The following TCF12 variants were observed in gnomAD, a reference collection of about 807,000 sequenced individuals.
The protein encoded by TCF12 is DNA-binding protein HTF4.
Under a neutral mutation model 86.0 loss-of-function variants are expected in TCF12, and 45 were observed. The observed-to-expected ratio is 0.52, with a 90% CI of 0.41 to 0.67. The LOEUF is 0.67. TCF12 is among the 30% of genes least tolerant of loss of function. TCF12 has a pLI of 0.00. For synonymous variants in TCF12, 330 were observed against 299.6 expected (o/e 1.10, Z -1.05); for missense variants, 881 against 859.9 (o/e 1.02, Z -0.31).
rs553301148 is a variant in TCF12, at chr15:56,958,750, G to T, written c.148+37652G>T. 2.6e-5 allele frequency among the ~76,000 whole-genome samples: 4 copies of T among 151,558 alleles called. No homozygotes were observed. In the East Asian group the frequency reaches 7.8e-4, roughly 30 times the overall value. On this transcript the variant is annotated intron_variant, in intron 3 of 20. Transcript: ENST00000333725. Reference sequence around the variant, plus strand: ...AAGGCTGACAGGCATCGTGGCTCATGCCTGTAATCCCACCACTTTGGGAGG... The same window carrying T: ...AAGGCTGACAGGCATCGTGGCTCATTCCTGTAATCCCACCACTTTGGGAGG...
chr15:57,007,525 T>A (rs1309066874), intron 3 of TCF12, among the ~76,000 whole-genome samples: 1 of 152,222 alleles, frequency 6.6e-6, no homozygotes, highest in South Asian at 2.1e-4. Flanking sequence ...TTGAGATCCC[T>A]CACCCTGCCA....
In TCF12 at chr15:57,091,782, C is replaced by A. The variant is rs2049007518; in HGVS notation, c.223-7C>A. On this transcript the variant is annotated splice_polypyrimidine_tract_variant and splice_region_variant and intron_variant, in intron 4 of 20. Coordinates refer to ENST00000333725, the MANE Select transcript of TCF12 (RefSeq NM_207037.2). ...TCTTTAATACTCTGATCTTTTTCTC[C>A]CCCTAGGGTTTTACAGACAGCCCTC... 2 of 1,609,146 alleles carry A rather than the reference C, an allele frequency of 1.2e-6. No homozygotes were observed. Among genetic ancestry groups the A allele is most frequent in the African/African-American group, 1.3e-5 (1 of 74,844 alleles).
chr15:57,156,831 TA>T (rs1355756536), intron 5 of TCF12, among the ~76,000 whole-genome samples: 1 of 152,206 alleles, frequency 6.6e-6, no homozygotes, highest in Non-Finnish European at 1.5e-5. Context: ...AGATGTGAGG[TA>T]ATAATGGGAT....
chr15:56,944,518 A>G (rs1027755580), intron 3 of TCF12, among the ~76,000 whole-genome samples: 1 of 152,212 alleles, frequency 6.6e-6, no homozygotes, highest in African/African-American at 2.4e-5. Flanking sequence ...TATTTTGTAT[A>G]TACATATTTT....
intron 3 of TCF12, among the ~76,000 whole-genome samples, chr15:56,947,963 A>G (rs916265871): frequency 6.6e-6 from 1 of 152,166 alleles, no homozygotes; most frequent in Non-Finnish European, 1.5e-5. Flanking sequence ...ACAGGAACTT[A>G]TCTTAATTTA....
intron 18 of TCF12, 131 bp from the exon 19 acceptor site, chr15:57,272,899 C>A (rs2061208427): frequency 1.2e-6 from 1 of 809,668 alleles, no homozygotes; most frequent in Non-Finnish European, 1.9e-6. Flanking sequence ...ATGTTAACTG[C>A]ACCTATTACA....
At chr15:57,100,886 G>T (rs193290930) in intron 5 of TCF12, among the ~76,000 whole-genome samples, 1 of 152,108 alleles carries the variant, frequency 6.6e-6, no homozygotes, top group Non-Finnish European at 1.5e-5. Flanking sequence ...GGTTTAAATT[G>T]TACAAGTATT....
At chr15:57,239,047 G>T (rs114751405) in intron 12 of TCF12, among the ~76,000 whole-genome samples, 1 of 152,106 alleles carries the variant, frequency 6.6e-6, no homozygotes, top group African/African-American at 2.4e-5. Flanking sequence ...TGCATAATAG[G>T]GTATGTAGGT....
At chr15:57,197,938 T>C in intron 8 of TCF12, 113 bp downstream of exon 8, 1 of 1,047,040 alleles carries the variant, frequency 9.6e-7, no homozygotes, top group South Asian at 1.4e-5. Context: ...CTTTACATAG[T>C]AATTGTTCAG....
intron 5 of TCF12, chr15:57,134,319 A>G (rs1390193524): frequency 2.0e-5 from 3 of 152,262 alleles, no homozygotes; most frequent in African/African-American, 7.2e-5. Flanking sequence ...CCTCATTAAC[A>G]TTTGCATGAG....
chr15:56,919,798 C>A, intron 1 of TCF12, 94 bp from the exon 2 acceptor site: 2 of 1,120,624 alleles, frequency 1.8e-6, no homozygotes, highest in South Asian at 2.8e-5. Context: ...GCGCCCCCAG[C>A]GCTCTTGCGT....
At chr15:57,254,831 C>G (rs2060272130) in intron 16 of TCF12, among the ~76,000 whole-genome samples, 1 of 122,686 alleles carries the variant, frequency 8.2e-6, no homozygotes, top group South Asian at 2.6e-4. Context: ...GCACTCCAGC[C>G]TAGGCCATAG....
chr15:56,964,895 C>T (rs921256627), intron 3 of TCF12, among the ~76,000 whole-genome samples: 2 of 152,148 alleles, frequency 1.3e-5, no homozygotes, highest in Admixed American at 6.5e-5. Flanking sequence ...TATAAGTAGT[C>T]ACCATAGATA....
At chr15:57,170,772 A>T (rs537741356) in intron 6 of TCF12, among the ~76,000 whole-genome samples, 2 of 2,400 alleles carry the variant, frequency 8.3e-4, no homozygotes, top group Admixed American at 8.5e-3. Flanking sequence ...TATATATATT[A>T]TATATAATAT....
chr15:57,041,393 G>A (rs1567304681), intron 3 of TCF12, among the ~76,000 whole-genome samples: 2 of 152,058 alleles, frequency 1.3e-5, no homozygotes, highest in Non-Finnish European at 2.9e-5. Context: ...GATAAATTAG[G>A]TGTTATGTCT....
intron 16 of TCF12, 77 bp downstream of exon 16, chr15:57,253,545 A>C (rs1005570182): frequency 4.6e-6 from 7 of 1,528,164 alleles, no homozygotes; most frequent in Non-Finnish European, 6.3e-6. Context: ...ATCTTTGGGA[A>C]GAGGATCTTT....
intron 6 of TCF12, among the ~76,000 whole-genome samples, chr15:57,184,389 A>G (rs1275534345): frequency 6.6e-6 from 1 of 152,176 alleles, no homozygotes; most frequent in Admixed American, 6.5e-5. Flanking sequence ...TTATATTCCC[A>G]TAAGAATTTG....
chr15:57,185,474 A>G (rs1447325401), intron 6 of TCF12, among the ~76,000 whole-genome samples: 2 of 152,220 alleles, frequency 1.3e-5, no homozygotes, highest in Non-Finnish European at 2.9e-5. Flanking sequence ...AGAAACAAGT[A>G]AAAGAAGAAC....
At chr15:56,924,170 C>A (rs2059908140) in intron 3 of TCF12, among the ~76,000 whole-genome samples, 1 of 152,002 alleles carries the variant, frequency 6.6e-6, no homozygotes, top group Admixed American at 6.6e-5. Flanking sequence ...AGAAACTATA[C>A]AGAGATTCTA....
Sources: gnomAD v4.1 joint callset for allele counts (sites outside exome capture counted in the v4.1 genomes callset) on GRCh38, gnomAD v4.1.1 for gene constraint, MANE v1.5 for transcripts, NCBI Gene and HGNC (gene_info 2026-07-23, HGNC 2026-07-21) for gene names.